EPG5: variants seen among roughly 807,000 people sequenced by gnomAD.
The protein encoded by EPG5 is ectopic P granules protein 5 homolog.
A neutral mutation model predicts 302.7 loss-of-function variants in EPG5; 159 were observed. The ratio of observed to expected loss-of-function variants is 0.53; its 90% CI spans 0.46 to 0.60. The LOEUF (loss-of-function observed/expected upper bound fraction) is 0.60, where lower values mean the gene tolerates loss of function less well. Ranked by LOEUF, EPG5 falls within the 20% of genes least tolerant of loss-of-function variation. The pLI is 0.00. For missense variants in EPG5, 2,896 were observed against 3,092.4 expected, an observed-to-expected ratio of 0.94 and a Z score of 1.51; for synonymous variants, 1,158 against 1,136.8, an observed-to-expected ratio of 1.02 and a Z score of -0.37.
At chr18:45,933,804 A>G (rs1205033234) in intron 11 of EPG5, among the ~76,000 whole-genome samples, 1 of 152,222 alleles carries the variant, frequency 6.6e-6, no homozygotes. Flanking sequence ...AAAAATTTGG[A>G]AAACAGCCTT....
intron 32 of EPG5, 70 bp from the exon 33 acceptor site, chr18:45,879,284 G>GTATC: frequency 9.1e-7 from 1 of 1,095,478 alleles, no homozygotes; most frequent in Non-Finnish European, 1.3e-6. Context: ...GATACACTGT[G>GTATC]ATGGGGGTGT....
chr18:45,853,214 T>C (rs1392101088), intron 43 of EPG5, among the ~76,000 whole-genome samples: 1 of 152,194 alleles, frequency 6.6e-6, no homozygotes, highest in Non-Finnish European at 1.5e-5. Flanking sequence ...TGCTAAGTGC[T>C]GCCAAGAGTA....
intron 5 of EPG5, 82 bp downstream of exon 5, chr18:45,949,402 T>A (rs1445330357): frequency 2.7e-6 from 2 of 754,124 alleles, no homozygotes; most frequent in Admixed American, 2.8e-5. Flanking sequence ...ATAGTCCTTT[T>A]TTTTTCAGCA....
At chr18:45,858,107 A>T in intron 41 of EPG5, 39 bp from the exon 42 acceptor site, 1 of 1,530,310 alleles carries the variant, frequency 6.5e-7, no homozygotes, top group Non-Finnish European at 9.0e-7. Flanking sequence ...TTAGAAGTAA[A>T]TTTTTCCCAC....
At chr18:45,842,161 C>A in the EPG5 span, 34 of 1,614,182 alleles carry the variant, frequency 2.1e-5, no homozygotes, top group East Asian at 4.2e-4. Context: ...CCCCCGGAGC[C>A]CACCAGCCAC....
chr18:45,938,071 C>T (rs1368139035), intron 10 of EPG5, among the ~76,000 whole-genome samples: 1 of 152,186 alleles, frequency 6.6e-6, no homozygotes, highest in East Asian at 1.9e-4. Flanking sequence ...CGTCAGTGGA[C>T]AGGTGCTACT....
chr18:45,838,901 C>T, the EPG5 span: 2 of 1,599,890 alleles, frequency 1.3e-6, no homozygotes. Flanking sequence ...GCCGAACTGC[C>T]CGCACTGACC....
chr18:45,866,677 A>G, intron 38 of EPG5, 121 bp downstream of exon 38: 1 of 768,180 alleles, frequency 1.3e-6, no homozygotes, highest in Non-Finnish European at 2.2e-6. Context: ...AGTATATGAT[A>G]ATACACATCC....
At chr18:45,904,332 A>C (rs2049697338) in intron 24 of EPG5, among the ~76,000 whole-genome samples, 1 of 152,214 alleles carries the variant, frequency 6.6e-6, no homozygotes, top group Admixed American at 6.5e-5. Flanking sequence ...TGATTAGAAA[A>C]AATTTTAACA....
At chr18:45,872,896 T>C (rs908538312) in intron 35 of EPG5, among the ~76,000 whole-genome samples, 2 of 152,186 alleles carry the variant, frequency 1.3e-5, no homozygotes, top group African/African-American at 4.8e-5. Flanking sequence ...GTTGGGTAAG[T>C]ATGTAGAAGA....
intron 41 of EPG5, 67 bp from the exon 42 acceptor site, chr18:45,858,135 T>A (rs1304395711): frequency 1.8e-5 from 21 of 1,181,626 alleles, no homozygotes; most frequent in Non-Finnish European, 2.6e-5. Flanking sequence ...TAACTGCAAG[T>A]CCACATCAGA....
chr18:45,877,410 C>G (rs1209704159), intron 34 of EPG5, among the ~76,000 whole-genome samples: 2 of 152,024 alleles, frequency 1.3e-5, no homozygotes, highest in Non-Finnish European at 2.9e-5. Flanking sequence ...CAGAGTGAGA[C>G]TCTGTCTTAA....
At chr18:45,950,359 T>C (rs576791628) in intron 4 of EPG5, among the ~76,000 whole-genome samples, 1 of 152,218 alleles carries the variant, frequency 6.6e-6, no homozygotes, top group South Asian at 2.1e-4. Context: ...CAGTGGGAGG[T>C]AACTGAATCA....
intron 39 of EPG5, among the ~76,000 whole-genome samples, chr18:45,862,712 G>A (rs575483060): frequency 8.1e-4 from 123 of 152,312 alleles, no homozygotes; most frequent in Non-Finnish European, 5.4e-4. Flanking sequence ...TCCAGAGGCC[G>A]AGCAGATGGC....
chr18:45,960,762 T>C (rs999956924), intron 1 of EPG5, among the ~76,000 whole-genome samples: 1 of 152,286 alleles, frequency 6.6e-6, no homozygotes, highest in African/African-American at 2.4e-5. Context: ...TGAGAGTGTG[T>C]GTATGTGTAC....
intron 23 of EPG5, 143 bp downstream of exon 23, chr18:45,910,378 C>T (rs898869598): frequency 1.7e-6 from 1 of 596,716 alleles, no homozygotes; most frequent in African/African-American, 1.9e-5. Context: ...TTTCAAGATG[C>T]AAATCTATAT....
At chr18:45,919,009 T>C (rs1000599274) in intron 16 of EPG5, among the ~76,000 whole-genome samples, 1 of 152,164 alleles carries the variant, frequency 6.6e-6, no homozygotes, top group African/African-American at 2.4e-5. Flanking sequence ...TACTTACAAT[T>C]GTAAAGTGAA....
intron 17 of EPG5, 140 bp downstream of exon 17, chr18:45,917,539 G>A: frequency 1.1e-6 from 1 of 874,008 alleles, no homozygotes; most frequent in Non-Finnish European, 1.8e-6. Flanking sequence ...ATTCTAAACT[G>A]GGGTGCAGAA....
At chr18:45,911,078 TACACACACAC>T (rs34212851) in intron 22 of EPG5, among the ~76,000 whole-genome samples, 4 of 135,332 alleles carry the variant, frequency 3.0e-5, no homozygotes, top group Admixed American at 7.5e-5. Context: ...TATCTATCTA[TACACACACAC>T]ACACACACAC....
Sources: allele counts gnomAD v4.1 joint callset (sites outside exome capture counted in the v4.1 genomes callset), GRCh38; gene constraint gnomAD v4.1.1; transcripts MANE v1.5; gene names NCBI Gene and HGNC (gene_info 2026-07-23, HGNC 2026-07-21).